The following CSMD1 variants were observed in gnomAD, a reference collection of about 807,000 sequenced individuals.
CSMD1 encodes the protein CUB and sushi domain-containing protein 1.
Under a neutral mutation model 417.5 loss-of-function variants are expected in CSMD1, and 213 were observed. That is an observed-to-expected ratio of 0.51 (90% CI 0.46 to 0.57). The LOEUF (loss-of-function observed/expected upper bound fraction) is 0.57, where lower values mean the gene tolerates loss of function less well. CSMD1 is among the 20% of genes least tolerant of loss of function. The pLI, the probability that CSMD1 is intolerant of heterozygous loss-of-function variation, is 0.00. For synonymous variants in CSMD1, 2,862 were observed against 1,736.8 expected (o/e 1.65, Z -16.11); for missense variants, 6,923 against 4,529.7 (o/e 1.53, Z -15.17).
intron 3 of CSMD1, among the ~76,000 whole-genome samples, chr8:4,393,471 T>C (rs1041956570): frequency 3.9e-5 from 6 of 152,192 alleles, no homozygotes; most frequent in Admixed American, 2.6e-4. Context: ...CATGATTATG[T>C]TGAGATGGCA....
At chr8:4,380,049 C>T (rs1000073653) in intron 3 of CSMD1, among the ~76,000 whole-genome samples, 1 of 152,126 alleles carries the variant, frequency 6.6e-6, no homozygotes, top group African/African-American at 2.4e-5. Context: ...AATTAAATAT[C>T]CATCAATCCA....
At chr8:4,768,662 G>C (rs1796445426) in intron 1 of CSMD1, among the ~76,000 whole-genome samples, 1 of 152,172 alleles carries the variant, frequency 6.6e-6, no homozygotes, top group Non-Finnish European at 1.5e-5. Flanking sequence ...GTCAATCACA[G>C]ATGGGAGGGA....
At chr8:2,954,990 A>G (rs1216395081) in intron 64 of CSMD1, among the ~76,000 whole-genome samples, 1 of 152,206 alleles carries the variant, frequency 6.6e-6, no homozygotes. Flanking sequence ...CAAACAGGGG[A>G]GAACCTGTAA....
chr8:3,260,983 A>G (rs1801018580), intron 26 of CSMD1, among the ~76,000 whole-genome samples: 1 of 151,656 alleles, frequency 6.6e-6, no homozygotes, highest in Non-Finnish European at 1.5e-5. Flanking sequence ...AGAAAATGGG[A>G]AAAGGAACAA....
At chr8:4,050,055 C>T (rs58985623) in intron 3 of CSMD1, among the ~76,000 whole-genome samples, 2,081 of 152,274 alleles carry the variant, frequency 0.014, 42 homozygotes, top group East Asian at 0.089. Flanking sequence ...AATGTCCCTC[C>T]TGTGGAACTT....
chr8:4,484,668 G>A (rs1801274671), intron 2 of CSMD1, among the ~76,000 whole-genome samples: 1 of 151,742 alleles, frequency 6.6e-6, no homozygotes, highest in Non-Finnish European at 1.5e-5. Flanking sequence ...TACCTGGGAA[G>A]ATATTGAAAG....
chr8:4,161,405 T>C (rs987460291), intron 3 of CSMD1, among the ~76,000 whole-genome samples: 1 of 152,226 alleles, frequency 6.6e-6, no homozygotes, highest in African/African-American at 2.4e-5. Context: ...AGAGGTAAAC[T>C]TGTCATTCCT....
intron 21 of CSMD1, among the ~76,000 whole-genome samples, chr8:3,349,582 A>C (rs1808253985): frequency 1.3e-5 from 2 of 151,904 alleles, no homozygotes. Context: ...TGGTGACTCA[A>C]AGATGCCATT....
intron 3 of CSMD1, among the ~76,000 whole-genome samples, chr8:4,200,772 G>A (rs1485480969): frequency 6.6e-6 from 1 of 152,138 alleles, no homozygotes. Context: ...TGAGATGGGA[G>A]GATTTGTTAA....
chr8:4,454,388 T>G (rs1016996461), intron 2 of CSMD1, among the ~76,000 whole-genome samples: 2 of 152,218 alleles, frequency 1.3e-5, no homozygotes, highest in Admixed American at 6.5e-5. Flanking sequence ...TTTTCAAAAT[T>G]TGGCTCTGGT....
In CSMD1 at chr8:4,375,335, G is replaced by T. The variant is rs115374015; in HGVS notation, c.415+44618C>A. Among the ~76,000 whole-genome samples the T allele has an allele frequency of 3.2e-3, 484 of 152,186 alleles. 2 individuals are homozygous for T. Among genetic ancestry groups the T allele is most frequent in the African/African-American group, 0.011 (464 of 41,526 alleles). On this transcript the variant is annotated intron_variant, in intron 3 of 69. Coordinates refer to ENST00000635120, the MANE Select transcript of CSMD1 (RefSeq NM_033225.6). ...CACCTTTCTTCCTGGTCTGTCAGGA[G>T]GGTGATCATCCTATTCACCATCCAC...
intron 26 of CSMD1, among the ~76,000 whole-genome samples, chr8:3,275,688 A>G (rs1259494468): frequency 6.6e-6 from 1 of 152,022 alleles, no homozygotes; most frequent in Non-Finnish European, 1.5e-5. Flanking sequence ...TTCATCTTCC[A>G]TCACTGATAC....
At chr8:4,928,096 C>T (rs1251420902) in intron 1 of CSMD1, among the ~76,000 whole-genome samples, 3 of 152,134 alleles carry the variant, frequency 2.0e-5, no homozygotes, top group Admixed American at 6.5e-5. Flanking sequence ...CATTCTTAGC[C>T]CTCATCCTCA....
At chr8:4,740,738 G>A in intron 1 of CSMD1, among the ~76,000 whole-genome samples, 1 of 152,096 alleles carries the variant, frequency 6.6e-6, no homozygotes, top group East Asian at 1.9e-4. Flanking sequence ...GGGCAATAGA[G>A]CAAGATCCTG....
At chr8:4,033,126 A>C (rs1472662721) in intron 3 of CSMD1, among the ~76,000 whole-genome samples, 6 of 127,544 alleles carry the variant, frequency 4.7e-5, no homozygotes, top group Admixed American at 1.7e-4. Context: ...TTAATTTCCA[A>C]TATGAAAAAA....
At chr8:3,463,904 G>GACCTAGGAGCATAC (rs1816657469) in intron 12 of CSMD1, among the ~76,000 whole-genome samples, 1 of 152,136 alleles carries the variant, frequency 6.6e-6, no homozygotes. Flanking sequence ...TAGGAGCACA[G>GACCTAGGAGCATAC]ACCCTTGGCC....
At chr8:4,433,105 T>C (rs1797963693) in intron 2 of CSMD1, among the ~76,000 whole-genome samples, 1 of 152,164 alleles carries the variant, frequency 6.6e-6, no homozygotes, top group African/African-American at 2.4e-5. Context: ...TTGTCTCCCA[T>C]CACCTCCAGA....
At chr8:3,923,105 C>G (rs2129144980) in intron 5 of CSMD1, among the ~76,000 whole-genome samples, 2 of 152,212 alleles carry the variant, frequency 1.3e-5, no homozygotes, top group Middle Eastern at 6.8e-3. Flanking sequence ...GTGACTGGGA[C>G]TCATGCCAAA....
intron 26 of CSMD1, among the ~76,000 whole-genome samples, chr8:3,256,880 C>A (rs898767755): frequency 6.6e-6 from 1 of 152,106 alleles, no homozygotes; most frequent in Non-Finnish European, 1.5e-5. Flanking sequence ...GATTTTTCAA[C>A]TCTTAGCCAA....
Sources: allele counts gnomAD v4.1 joint callset (sites outside exome capture counted in the v4.1 genomes callset), GRCh38; gene constraint gnomAD v4.1.1; transcripts MANE v1.5; gene names NCBI Gene and HGNC (gene_info 2026-07-23, HGNC 2026-07-21).